STOML3: variants seen among roughly 807,000 people sequenced by gnomAD.
STOML3 encodes stomatin like 3.
STOML3 carries 31 observed loss-of-function variants against 29.5 expected under a neutral mutation model. The observed-to-expected ratio is 1.05, with a 90% CI of 0.79 to 1.42. STOML3 has a LOEUF of 1.42. Ranked by LOEUF, STOML3 falls within the 40% of genes most tolerant of loss-of-function variation. The pLI is 0.00. For synonymous variants in STOML3, 122 were observed against 139.8 expected (o/e 0.87, Z 0.90); for missense variants, 380 against 363.0 (o/e 1.05, Z -0.38).
chr13:38,989,616 C>A (rs1329629367), intron 1 of STOML3, among the ~76,000 whole-genome samples: 1 of 152,036 alleles, frequency 6.6e-6, no homozygotes, highest in South Asian at 2.1e-4. Context: ...AATCCTCCCA[C>A]CTCAACCTCC....
At chr13:38,982,654 A>C (rs989577487) in intron 1 of STOML3, among the ~76,000 whole-genome samples, 1 of 152,204 alleles carries the variant, frequency 6.6e-6, no homozygotes, top group Non-Finnish European at 1.5e-5. Flanking sequence ...CCAAAGGGAA[A>C]CATCAAACTG....
intron 1 of STOML3, among the ~76,000 whole-genome samples, chr13:38,979,298 T>G (rs1215949746): frequency 6.6e-6 from 1 of 152,184 alleles, no homozygotes; most frequent in Non-Finnish European, 1.5e-5. Flanking sequence ...ATTTTATTAG[T>G]GCTTTTTTAG....
chr13:38,965,985 G>A lies in STOML3; in HGVS notation c.*840C>T, dbSNP rs1880625794. 2 of 152,124 alleles carry A rather than the reference G, an allele frequency of 1.3e-5. No individual in the cohort carries two copies. Among genetic ancestry groups the A allele is most frequent in the South Asian group, 4.1e-4 (2 of 4,822 alleles). 9.4% of individuals were successfully genotyped at this position (152,124 alleles called of 1,614,324 possible). ...TTGTTTTGAACAGGTTATTTGGCAG[G>A]TGGGGGAGGGGATGTGGATAGAGTT... is the stretch of plus-strand genomic sequence containing the variant. On this transcript the variant is annotated 3_prime_UTR_variant, in exon 7 of 7. Coordinates refer to ENST00000379631, the MANE Select transcript of STOML3 (RefSeq NM_145286.3).
Position 38,970,360 on chromosome 13 carries a change from T to C in STOML3, c.341A>G (p.Gln114Arg). 1 of 1,614,132 alleles carries C rather than the reference T, an allele frequency of 6.2e-7. No homozygotes were observed. Among genetic ancestry groups the C allele is most frequent in the Non-Finnish European group, 8.5e-7 (1 of 1,180,006 alleles). Residue 114 changes from glutamine to arginine, a missense_variant, in exon 5 of 7, where the codon CAG becomes CGG. Coordinates refer to ENST00000379631, the MANE Select transcript of STOML3 (RefSeq NM_145286.3). ...EILTRDSVTT[Q>R]VDGVVYYRIY... is the part of the protein sequence containing the mutation. ...TCTGTAATAGACAACTCCATCTACCTGAGTAGTTACGGAGTCTCTGGTGAG... is the reference window on the plus strand; with the variant it reads ...TCTGTAATAGACAACTCCATCTACCCGAGTAGTTACGGAGTCTCTGGTGAG...
intron 3 of STOML3, 23 bp downstream of exon 3, chr13:38,976,517 G>A (rs770731822): frequency 6.2e-7 from 1 of 1,613,432 alleles, no homozygotes; most frequent in Non-Finnish European, 8.5e-7. Context: ...ATCTTTCAGG[G>A]GCAGCCACCG....
At position 38,968,397 on chromosome 13, in the gene STOML3, T is replaced by TAA. The variant is rs772390873; in HGVS notation, c.651+2_651+3insTT. ...CTCCATGTGTGAACTGCACAACACT[T>TAA]ACCTTGGCTCTCGCTTCCCGGGTGG... On this transcript the variant is annotated splice_region_variant and intron_variant, in intron 6 of 6. Coordinates refer to ENST00000379631, the MANE Select transcript of STOML3 (RefSeq NM_145286.3). 6.2e-7 allele frequency: 1 copy of TAA among 1,614,104 alleles called. No individual in the cohort carries two copies. The highest frequency in any genetic ancestry group is 1.1e-5 in the South Asian group (1 of 91,086).
At position 38,968,683 on chromosome 13, in the gene STOML3, G is replaced by C. The variant is rs559197492; in HGVS notation, c.517-149C>G. On this transcript the variant is annotated intron_variant, in intron 5 of 6. Coordinates refer to ENST00000379631, the MANE Select transcript of STOML3 (RefSeq NM_145286.3). ...TTTGGAGTGAGACAATTTAGGAAGA[G>C]AATAAGAGTTAATATTCTTATTGAT... 6.0e-5 allele frequency: 55 copies of C among 917,194 alleles called. No homozygotes were observed. In the East Asian group the frequency reaches 1.4e-3, roughly 24 times the overall value. The allele number at this position is 917,194 out of a possible 1,614,324, so 56.8% of individuals were successfully genotyped here. A position where few individuals can be genotyped will look rare whatever the true frequency, so the allele number is the denominator to read the frequency against.
At chr13:38,968,209 A>G (rs1436988324) in intron 6 of STOML3, among the ~76,000 whole-genome samples, 191 bp downstream of exon 6, 4 of 152,190 alleles carry the variant, frequency 2.6e-5, no homozygotes, top group African/African-American at 9.6e-5. Flanking sequence ...AAGACCTGCT[A>G]CCAAACTTCC....
rs1185848161 is a variant in STOML3 at position 38,972,518 on chromosome 13, T to C, written c.306A>G (p.Pro102=). The change falls in exon 4 of 7, where the codon CCA becomes CCG. Residue 102 remains proline, a synonymous_variant. Coordinates refer to ENST00000379631, the MANE Select transcript of STOML3 (RefSeq NM_145286.3). The part of the protein sequence containing the change: ...DLRTVTCNIP[P]QEILTRDSVT... ...TATCCTTAATCAGTACTACCTCTTG[T>C]GGAGGAATGTTGCAAGTAACTGTTC... 1 of 1,613,788 alleles carries C rather than the reference T, an allele frequency of 6.2e-7. No individual in the cohort carries two copies. Among genetic ancestry groups the C allele is most frequent in the Admixed American group, 1.7e-5 (1 of 60,014 alleles).
intron 3 of STOML3, 48 bp from the exon 4 acceptor site, chr13:38,972,642 T>C (rs367800823): frequency 2.6e-6 from 4 of 1,547,914 alleles, no homozygotes; most frequent in Non-Finnish European, 3.6e-6. Flanking sequence ...TGAAAATAAC[T>C]ACAAGTAGTC....
Position 38,974,414 on chromosome 13 carries a change from A to C in STOML3, c.230-1820T>G, listed in dbSNP as rs918279201. 4.7e-4 allele frequency among the ~76,000 whole-genome samples: 71 copies of C among 152,180 alleles called. 1 individual carries two copies. The highest frequency in any genetic ancestry group is 1.6e-4 in the Non-Finnish European group (11 of 67,986). ...TTTTGGTGCCAGGTCACTGTGGTTA[A>C]GATCATGGACCTGAGAACTAGACAG... is the stretch of plus-strand genomic sequence containing the variant. On this transcript the variant is annotated intron_variant, in intron 3 of 6. Transcript: ENST00000379631.
intron 1 of STOML3, among the ~76,000 whole-genome samples, chr13:38,985,407 A>G (rs1392291469): frequency 6.6e-6 from 1 of 152,168 alleles, no homozygotes; most frequent in Non-Finnish European, 1.5e-5. Flanking sequence ...TGGGAAACAG[A>G]GCGAGAGAGA....
At chr13:38,986,232 A>G (rs941327135) in intron 1 of STOML3, among the ~76,000 whole-genome samples, 1 of 151,838 alleles carries the variant, frequency 6.6e-6, no homozygotes, top group Non-Finnish European at 1.5e-5. Flanking sequence ...ACAAGGTTTC[A>G]CCATGTTGGA....
At chr13:38,974,418 C>A (rs1880997754) in intron 3 of STOML3, among the ~76,000 whole-genome samples, 1 of 152,094 alleles carries the variant, frequency 6.6e-6, no homozygotes, top group Admixed American at 6.6e-5. Flanking sequence ...TGGTTAAGAT[C>A]ATGGACCTGA....
At chr13:38,976,989 A>G (rs1881104491) in intron 1 of STOML3, among the ~76,000 whole-genome samples, 192 bp from the exon 2 acceptor site, 1 of 152,228 alleles carries the variant, frequency 6.6e-6, no homozygotes, top group Admixed American at 6.5e-5. Flanking sequence ...AGGTTTTTAA[A>G]AATTAAAATT....
At chr13:38,976,179 C>T (rs1410636835) in intron 3 of STOML3, among the ~76,000 whole-genome samples, 1 of 152,166 alleles carries the variant, frequency 6.6e-6, no homozygotes, top group Non-Finnish European at 1.5e-5. Context: ...CCTTGAGTAA[C>T]TTAATAGTGT....
chr13:38,990,494 C>T (rs1267359183), intron 1 of STOML3, among the ~76,000 whole-genome samples, 176 bp downstream of exon 1: 1 of 152,096 alleles, frequency 6.6e-6, no homozygotes. Flanking sequence ...GACTGCCGTT[C>T]AAGAAGCAAA....
intron 1 of STOML3, among the ~76,000 whole-genome samples, chr13:38,985,830 T>C (rs181787088): frequency 1.9e-3 from 288 of 149,650 alleles, no homozygotes; most frequent in Non-Finnish European, 3.5e-3. Context: ...TAGAAGTATA[T>C]ATATAGAATA....
chr13:38,986,712 C>T (rs1456440733), intron 1 of STOML3, among the ~76,000 whole-genome samples: 1 of 152,120 alleles, frequency 6.6e-6, no homozygotes, highest in African/African-American at 2.4e-5. Flanking sequence ...ATGCACACAG[C>T]TTGCATTAAG....
Sources: allele counts gnomAD v4.1 joint callset (sites outside exome capture counted in the v4.1 genomes callset), GRCh38; gene constraint gnomAD v4.1.1; transcripts MANE v1.5; gene names NCBI Gene and HGNC (gene_info 2026-07-23, HGNC 2026-07-21).